PRKCH: variants seen among roughly 807,000 people sequenced by gnomAD.
The protein encoded by PRKCH is protein kinase C eta, also known as protein kinase C eta type.
Under a neutral mutation model 82.5 loss-of-function variants are expected in PRKCH, and 28 were observed. The ratio of observed to expected loss-of-function variants is 0.34; its 90% CI spans 0.25 to 0.47. The LOEUF (loss-of-function observed/expected upper bound fraction) is 0.47. Ranked by LOEUF, PRKCH falls within the 20% of genes least tolerant of loss-of-function variation. The probability of loss-of-function intolerance (pLI) is 1.00; values close to 1 mark genes in which losing one functional copy is unlikely to be tolerated. For missense variants in PRKCH, 705 were observed against 881.8 expected, an observed-to-expected ratio of 0.80 and a Z score of 2.54; for synonymous variants, 322 against 327.4, an observed-to-expected ratio of 0.98 and a Z score of 0.18.
At chr14:61,329,828 C>T (rs1408452000) in intron 1 of PRKCH, among the ~76,000 whole-genome samples, 26 of 152,262 alleles carry the variant, frequency 1.7e-4, no homozygotes, top group Admixed American at 1.7e-3. Context: ...AAAGAACGGA[C>T]GTATGAATGG....
chr14:61,495,205 T>A (rs1472001954), intron 10 of PRKCH, among the ~76,000 whole-genome samples: 1 of 152,230 alleles, frequency 6.6e-6, no homozygotes, highest in East Asian at 1.9e-4. Context: ...CCTAACTTTA[T>A]AACAGATAGA....
At chr14:61,455,205 A>T (rs372507558) in intron 7 of PRKCH, among the ~76,000 whole-genome samples, 6 of 143,898 alleles carry the variant, frequency 4.2e-5, no homozygotes, top group Admixed American at 6.9e-5. Context: ...AATTTTTTGT[A>T]TTTTTTTTTT....
At chr14:61,274,575 A>G (rs534999036) in intron 1 of PRKCH, among the ~76,000 whole-genome samples, 3 of 152,232 alleles carry the variant, frequency 2.0e-5, no homozygotes, top group Non-Finnish European at 2.9e-5. Flanking sequence ...GGGATATAGA[A>G]GCAACAGGAT....
At chr14:61,507,936 C>A (rs1398195441) in intron 10 of PRKCH, among the ~76,000 whole-genome samples, 1 of 151,846 alleles carries the variant, frequency 6.6e-6, no homozygotes, top group African/African-American at 2.4e-5. Context: ...GCTCTTATCA[C>A]CAAGAAAAAA....
Position 61,250,639 on chromosome 14 carries a change from G to A in PRKCH, c.-19+62971G>A, listed in dbSNP as rs74054783. Among the ~76,000 whole-genome samples the A allele has an allele frequency of 3.5e-3, 528 of 152,238 alleles. 3 individuals are homozygous for A. The highest frequency in any genetic ancestry group is 0.012 in the African/African-American group (493 of 41,548). On this transcript the variant is annotated intron_variant, in intron 1 of 3. Coordinates refer to the PRKCH transcript ENST00000555185. ...CACAGGATTTTTAGGGTAGTAAAAC[G>A]ATTCTGCATGATACTGCAATGGTAG...
intron 1 of PRKCH, among the ~76,000 whole-genome samples, chr14:61,381,905 G>A (rs1277930239): frequency 1.3e-5 from 2 of 152,180 alleles, no homozygotes; most frequent in African/African-American, 4.8e-5. Flanking sequence ...CAGCCTCAAG[G>A]GAGGCTGGTG....
intron 10 of PRKCH, among the ~76,000 whole-genome samples, chr14:61,490,836 T>C (rs1886421070): frequency 1.3e-5 from 2 of 152,130 alleles, no homozygotes; most frequent in South Asian, 4.1e-4. Flanking sequence ...GAGGATCACT[T>C]GAGCACGGGA....
chr14:61,284,951 A>G (rs146380987), intron 1 of PRKCH, among the ~76,000 whole-genome samples: 118 of 152,334 alleles, frequency 7.7e-4, no homozygotes, highest in African/African-American at 2.6e-3. Context: ...ATTGAAATAA[A>G]TATTTTCTAT....
At chr14:61,342,060 C>CT (rs2045936108) in intron 1 of PRKCH, among the ~76,000 whole-genome samples, 1 of 152,086 alleles carries the variant, frequency 6.6e-6, no homozygotes, top group South Asian at 2.1e-4. Flanking sequence ...TTGCATGGGG[C>CT]TGACCTTGTG....
intron 3 of PRKCH, among the ~76,000 whole-genome samples, chr14:61,444,017 TTTAA>T (rs1280747978): frequency 2.0e-5 from 3 of 152,208 alleles, no homozygotes; most frequent in African/African-American, 7.2e-5. Flanking sequence ...TGTTGTCAAC[TTTAA>T]TTATTTTGTT....
At chr14:61,210,085 CA>C (rs1158463553) in intron 1 of PRKCH, among the ~76,000 whole-genome samples, 16 of 100,676 alleles carry the variant, frequency 1.6e-4, no homozygotes, top group African/African-American at 4.5e-4. Context: ...AAAACAAAAA[CA>C]AAAAACAAAA....
intron 2 of PRKCH, among the ~76,000 whole-genome samples, chr14:61,405,293 T>G (rs1394956269): frequency 1.3e-5 from 2 of 152,174 alleles, no homozygotes; most frequent in East Asian, 3.8e-4. Flanking sequence ...GTTCTAGTTA[T>G]GGATTATTAA....
At position 61,227,167 on chromosome 14, in the gene PRKCH, C is replaced by T. The variant is rs1298186277; in HGVS notation, c.-19+39499C>T. Among the ~76,000 whole-genome samples, 10 of 152,334 alleles carry T rather than the reference C, an allele frequency of 6.6e-5. No individual in the cohort carries two copies. The East Asian group carries it at 1.3e-3, about 21-fold the overall frequency. On this transcript the variant is annotated intron_variant, in intron 1 of 3. Transcript: ENST00000555185. ...TAAATAAATTGGCAGTATAGAACAG[C>T]AGTTAATCATGTGGTTCTCAAAGTC...
intron 12 of PRKCH, chr14:61,544,715 A>G (rs2043231765): frequency 6.6e-6 from 1 of 152,212 alleles, no homozygotes; most frequent in Non-Finnish European, 1.5e-5. Flanking sequence ...ACTAACAAAA[A>G]TACTACTACT....
rs924488163 is a variant in PRKCH, at chr14:61,458,536, G to A, written c.1278+857G>A. On this transcript the variant is annotated intron_variant, in intron 9 of 13. Transcript: ENST00000332981. ...CTTCATGGCCAGTCCCCTTTTCTCAGGGAGGGAAGATCTTTCCTAGACTTG... is the reference window on the plus strand; with the variant it reads ...CTTCATGGCCAGTCCCCTTTTCTCAAGGAGGGAAGATCTTTCCTAGACTTG... 1.2e-4 allele frequency among the ~76,000 whole-genome samples: 19 copies of A among 152,174 alleles called. 1 individual carries two copies. The highest frequency in any genetic ancestry group is 4.3e-4 in the African/African-American group (18 of 41,440).
chr14:61,482,811 G>T (rs538847659), intron 9 of PRKCH, among the ~76,000 whole-genome samples: 8 of 152,348 alleles, frequency 5.3e-5, no homozygotes, highest in African/African-American at 1.9e-4. Context: ...TGTAGATGGG[G>T]CTGGGCTAAA....
At chr14:61,331,663 T>C (rs2045790948) in intron 1 of PRKCH, among the ~76,000 whole-genome samples, 1 of 152,262 alleles carries the variant, frequency 6.6e-6, no homozygotes, top group Non-Finnish European at 1.5e-5. Context: ...TCTGCTTATC[T>C]GGGTCCCATT....
At chr14:61,209,880 C>T (rs1216194553) in intron 1 of PRKCH, among the ~76,000 whole-genome samples, 1 of 151,750 alleles carries the variant, frequency 6.6e-6, no homozygotes, top group Non-Finnish European at 1.5e-5. Context: ...CATTGTTTAG[C>T]ACCCACTTAT....
At chr14:61,457,786 T>C (rs1884847377) in intron 9 of PRKCH, 107 bp downstream of exon 9, 1 of 1,455,636 alleles carries the variant, frequency 6.9e-7, no homozygotes, top group Admixed American at 2.0e-5. Flanking sequence ...TTTTGGGGGA[T>C]GGGCTCCCAA....
Sources: gnomAD v4.1 joint callset for allele counts (sites outside exome capture counted in the v4.1 genomes callset) on GRCh38, gnomAD v4.1.1 for gene constraint, MANE v1.5 for transcripts, NCBI Gene and HGNC (gene_info 2026-07-23, HGNC 2026-07-21) for gene names.